Variants in IGF2BP3 observed in about 807,000 individuals in gnomAD.
IGF2BP3 encodes the protein insulin-like growth factor 2 mRNA-binding protein 3.
A neutral mutation model predicts 73.8 loss-of-function variants in IGF2BP3; 9 were observed. The ratio of observed to expected loss-of-function variants is 0.12; its 90% confidence interval spans 0.07 to 0.21. The LOEUF (loss-of-function observed/expected upper bound fraction) is 0.21. IGF2BP3 is among the 10% of genes least tolerant of loss of function. The pLI is 1.00. For missense variants in IGF2BP3, 542 were observed against 714.0 expected (o/e 0.76, Z 2.75); for synonymous variants, 258 against 256.7 (o/e 1.01, Z -0.05).
rs376571131 is a variant in IGF2BP3 at position 23,449,554 on chromosome 7, CTTTTTTTTTT to C, written c.236+18918_236+18927del. ...ACAATTTTTTTTCCTTTTTCTTTTT[CTTTTTTTTTT>C]TTTTTTTTTTTTGAGAGAGTCTCAC... On this transcript the variant is annotated intron_variant, in intron 2 of 14. Transcript: ENST00000258729. Among the ~76,000 whole-genome samples, 39 of 106,934 alleles carry C rather than the reference CTTTTTTTTTT, an allele frequency of 3.6e-4. 1 individual carries two copies. The South Asian group carries it at 9.6e-3, about 26-fold the overall frequency. The allele number at this position is 106,934 out of a possible 152,430, so 70.2% of individuals were successfully genotyped here. A position where few individuals can be genotyped will look rare whatever the true frequency, so the allele number is the denominator to read the frequency against.
In IGF2BP3 at chr7:23,351,411, GT is replaced by G. The variant is rs1784957061; in HGVS notation, c.576del (p.Lys192AsnfsTer20). On this transcript the variant is annotated frameshift_variant, in exon 6 of 15. Transcript: ENST00000258729. LOFTEE classifies it high-confidence loss of function. Reference protein sequence around the residue: ...QGSPGSVSKQKPCDLPLRLLV... With the variant: ...QGSPGSVSKQXPCDLPLRLLV... The stretch of plus-strand genomic sequence containing the variant: ...AGCAGGCGCAGAGGCAAATCACATG[GT>G]TTCTGCTTGGATACGGATCCTGGAG... 6.2e-7 allele frequency: 1 copy of G among 1,613,674 alleles called. No individual in the cohort carries two copies. The highest frequency in any genetic ancestry group is 1.3e-5 in the African/African-American group (1 of 74,868).
chr7:23,407,581 C>T (rs1008269986), intron 3 of IGF2BP3, among the ~76,000 whole-genome samples: 2 of 145,418 alleles, frequency 1.4e-5, no homozygotes, highest in African/African-American at 5.1e-5. Context: ...GCACTCCGGC[C>T]TGGGCAACAA....
rs948023951 is a variant in IGF2BP3 at position 23,378,450 on chromosome 7, T to C, written c.286-16709A>G. ...CTCTGTCTCCCAGGCTGGAGTGTAG[T>C]GGTATGATCTTGGCTCACTGTAACC... On this transcript the variant is annotated intron_variant, in intron 3 of 14. Coordinates refer to ENST00000258729, the MANE Select transcript of IGF2BP3 (RefSeq NM_006547.3). 2.1e-5 allele frequency among the ~76,000 whole-genome samples: 3 copies of C among 142,392 alleles called. No individual in the cohort carries two copies. The South Asian group carries it at 6.6e-4, about 31-fold the overall frequency. The allele number at this position is 142,392 out of a possible 152,430, so 93.4% of individuals were successfully genotyped here.
At chr7:23,370,891 C>G (rs1156294056) in intron 3 of IGF2BP3, among the ~76,000 whole-genome samples, 1 of 151,894 alleles carries the variant, frequency 6.6e-6, no homozygotes, top group Non-Finnish European at 1.5e-5. Context: ...GTTGGCCAGG[C>G]TGGTCTCGAA....
intron 2 of IGF2BP3, among the ~76,000 whole-genome samples, chr7:23,423,062 G>A (rs975826745): frequency 3.9e-5 from 6 of 152,170 alleles, no homozygotes; most frequent in African/African-American, 1.4e-4. Context: ...GGCGTGAGCC[G>A]CTGCGCCCAG....
intron 3 of IGF2BP3, among the ~76,000 whole-genome samples, chr7:23,398,379 G>C (rs930631726): frequency 6.6e-6 from 1 of 152,180 alleles, no homozygotes; most frequent in Non-Finnish European, 1.5e-5. Flanking sequence ...ACATATGTGT[G>C]CATGTGTCTT....
intron 2 of IGF2BP3, among the ~76,000 whole-genome samples, chr7:23,439,870 T>TA (rs777240332): frequency 3.3e-5 from 5 of 152,320 alleles, no homozygotes; most frequent in East Asian, 3.9e-4. Context: ...CAACAGTACC[T>TA]AGAGCACATC....
chr7:23,401,337 G>A (rs1208902475), intron 3 of IGF2BP3, among the ~76,000 whole-genome samples: 3 of 152,118 alleles, frequency 2.0e-5, no homozygotes, highest in African/African-American at 4.8e-5. Context: ...CCAGCATCAT[G>A]GAGGCAGCAT....
intron 3 of IGF2BP3, chr7:23,394,490 A>C (rs557382465): frequency 1.3e-5 from 2 of 152,348 alleles, no homozygotes; most frequent in South Asian, 4.1e-4. Flanking sequence ...CTCCCCCAAA[A>C]CAACAACAAA....
intron 2 of IGF2BP3, among the ~76,000 whole-genome samples, chr7:23,422,766 T>C (rs1787387286): frequency 6.6e-6 from 1 of 152,238 alleles, no homozygotes; most frequent in Admixed American, 6.5e-5. Context: ...AGTTTCATTT[T>C]AGACAAACAT....
chr7:23,377,863 A>G (rs1785776779), intron 3 of IGF2BP3, among the ~76,000 whole-genome samples: 1 of 152,200 alleles, frequency 6.6e-6, no homozygotes, highest in Non-Finnish European at 1.5e-5. Flanking sequence ...CCACATATAT[A>G]TGATTCCTTT....
rs113784234 is a variant in IGF2BP3, at chr7:23,351,841, T to C, written c.402-255A>G. On this transcript the variant is annotated intron_variant, in intron 5 of 14. Coordinates refer to ENST00000258729, the MANE Select transcript of IGF2BP3 (RefSeq NM_006547.3). ...CACAAGTTTCCAAAGGGAACCTATG[T>C]GCCATCTCCTAATGAAAAATAGAAA... is the stretch of plus-strand genomic sequence containing the variant. 3.4e-3 allele frequency among the ~76,000 whole-genome samples: 519 copies of C among 152,218 alleles called. 2 individuals are homozygous for C. The highest frequency in any genetic ancestry group is 5.8e-3 in the Non-Finnish European group (395 of 68,022).
intron 10 of IGF2BP3, among the ~76,000 whole-genome samples, chr7:23,338,938 C>T (rs2128500033): frequency 6.6e-6 from 1 of 152,328 alleles, no homozygotes; most frequent in Non-Finnish European, 1.5e-5. Context: ...GTATCACTGC[C>T]TGGAACACAT....
At chr7:23,348,547 T>C (rs1170647635) in intron 6 of IGF2BP3, among the ~76,000 whole-genome samples, 2 of 152,222 alleles carry the variant, frequency 1.3e-5, no homozygotes, top group African/African-American at 2.4e-5. Flanking sequence ...TCTACAGATA[T>C]AGTCTCATAC....
chr7:23,365,700 A>C (rs1440908986), intron 3 of IGF2BP3: 1 of 152,278 alleles, frequency 6.6e-6, no homozygotes, highest in Non-Finnish European at 1.5e-5. Flanking sequence ...ATCATCATTT[A>C]CAAGGGTATC....
chr7:23,386,274 G>A (rs1180052742), intron 3 of IGF2BP3, among the ~76,000 whole-genome samples: 1 of 152,156 alleles, frequency 6.6e-6, no homozygotes, highest in Non-Finnish European at 1.5e-5. Context: ...CAAGGCAGAT[G>A]GAGTGCCTGA....
chr7:23,440,260 T>C (rs1184107288), intron 2 of IGF2BP3, among the ~76,000 whole-genome samples: 6 of 143,950 alleles, frequency 4.2e-5, no homozygotes, highest in Admixed American at 1.4e-4. Context: ...AGAAATTGTT[T>C]AGTTATTTCA....
At chr7:23,401,415 T>A (rs1786659711) in intron 3 of IGF2BP3, among the ~76,000 whole-genome samples, 1 of 152,154 alleles carries the variant, frequency 6.6e-6, no homozygotes. Flanking sequence ...TCTTCCATCA[T>A]TCAAACTCAC....
In IGF2BP3 at chr7:23,409,644, C is replaced by G. The variant is rs74720590; in HGVS notation, c.285+9132G>C. Among the ~76,000 whole-genome samples, 510 of 152,198 alleles carry G rather than the reference C, an allele frequency of 3.4e-3. 2 individuals are homozygous for G. The highest frequency in any genetic ancestry group is 0.011 in the African/African-American group (474 of 41,544). On this transcript the variant is annotated intron_variant, in intron 3 of 14. Coordinates refer to ENST00000258729, the MANE Select transcript of IGF2BP3 (RefSeq NM_006547.3). ...TGAGGGCAATTCAATGGAAAAGGAA[C>G]AATATTTTCAATTTTTGGTGTTAGA...
Sources: gnomAD v4.1 joint callset for allele counts (sites outside exome capture counted in the v4.1 genomes callset) on GRCh38, gnomAD v4.1.1 for gene constraint, MANE v1.5 for transcripts, NCBI Gene and HGNC (gene_info 2026-07-23, HGNC 2026-07-21) for gene names.